STXBP5L: variants seen among roughly 807,000 people sequenced by gnomAD.
STXBP5L encodes the protein syntaxin-binding protein 5-like.
In STXBP5L, 65 loss-of-function variants were observed where a neutral mutation model predicts 144.5. The ratio of observed to expected loss-of-function variants is 0.45; its 90% CI spans 0.37 to 0.55. The LOEUF is 0.55. Ranked by LOEUF, STXBP5L falls within the 20% of genes least tolerant of loss-of-function variation. The pLI is 0.00. For synonymous variants in STXBP5L, 505 were observed against 469.6 expected (o/e 1.08, Z -0.97); for missense variants, 1,298 against 1,405.5 (o/e 0.92, Z 1.22).
intron 5 of STXBP5L, 121 bp from the exon 6 acceptor site, chr3:121,114,804 C>A: frequency 3.7e-6 from 2 of 545,702 alleles, no homozygotes; most frequent in East Asian, 3.5e-5. Flanking sequence ...ACATGCTATA[C>A]TTGAGTATAT....
chr3:121,026,321 C>A (rs1310762134), intron 3 of STXBP5L, among the ~76,000 whole-genome samples: 14 of 151,872 alleles, frequency 9.2e-5, no homozygotes, highest in Non-Finnish European at 5.9e-5. Context: ...TATATTCATG[C>A]CTGAGCTTTA....
At position 121,051,555 on chromosome 3, in the gene STXBP5L, C is replaced by T. The variant is rs192805629; in HGVS notation, c.470+6020C>T. 7.3e-3 allele frequency among the ~76,000 whole-genome samples: 1,119 copies of T among 152,268 alleles called. 12 individuals carry two copies. The highest frequency in any genetic ancestry group is 0.026 in the African/African-American group (1,069 of 41,546). On this transcript the variant is annotated intron_variant, in intron 5 of 26. Transcript: ENST00000471454. ...GAAACCAACGAAAACAAAGACACAA[C>T]ATACCAGAATCTCTGGGACACATTC...
At chr3:121,087,953 C>T (rs1018016022) in intron 5 of STXBP5L, among the ~76,000 whole-genome samples, 1 of 152,128 alleles carries the variant, frequency 6.6e-6, no homozygotes, top group East Asian at 1.9e-4. Flanking sequence ...TCTTTACTTC[C>T]CTTTACTTCT....
chr3:121,277,426 G>A (rs1252911408), intron 18 of STXBP5L, among the ~76,000 whole-genome samples: 2 of 151,916 alleles, frequency 1.3e-5, no homozygotes, highest in South Asian at 2.1e-4. Context: ...CTACTATAAT[G>A]TCTAATGTGC....
At chr3:120,930,926 C>T (rs1709899928) in intron 2 of STXBP5L, among the ~76,000 whole-genome samples, 1 of 152,088 alleles carries the variant, frequency 6.6e-6, no homozygotes, top group Non-Finnish European at 1.5e-5. Context: ...CTATGTTTTT[C>T]TATCTTTCTG....
At chr3:121,194,244 ATTTG>A (rs1482654833) in intron 9 of STXBP5L, among the ~76,000 whole-genome samples, 1 of 152,104 alleles carries the variant, frequency 6.6e-6, no homozygotes, top group Non-Finnish European at 1.5e-5. Flanking sequence ...GTGTGTATGA[ATTTG>A]TTTGTTATAG....
At chr3:121,116,896 T>C (rs1210418736) in intron 6 of STXBP5L, among the ~76,000 whole-genome samples, 2 of 151,996 alleles carry the variant, frequency 1.3e-5, no homozygotes, top group Non-Finnish European at 2.9e-5. Context: ...TATAAAACTT[T>C]TAAATAAATT....
intron 5 of STXBP5L, among the ~76,000 whole-genome samples, chr3:121,075,386 T>C (rs183809711): frequency 7.1e-4 from 108 of 152,280 alleles, no homozygotes; most frequent in African/African-American, 2.5e-3. Flanking sequence ...CGGTTTCTCT[T>C]CCAACTAAGG....
At chr3:121,013,994 T>C (rs951962166) in intron 3 of STXBP5L, among the ~76,000 whole-genome samples, 21 of 152,234 alleles carry the variant, frequency 1.4e-4, no homozygotes, top group African/African-American at 4.8e-4. Context: ...TCCATTGGTC[T>C]GTATGTCTGT....
chr3:121,312,307 C>A (rs1167503931), intron 19 of STXBP5L, among the ~76,000 whole-genome samples: 1 of 147,652 alleles, frequency 6.8e-6, no homozygotes, highest in Non-Finnish European at 1.5e-5. Flanking sequence ...TCTAAAACAC[C>A]AAAAGCAATG....
chr3:121,089,555 A>G (rs2042676034), intron 5 of STXBP5L, among the ~76,000 whole-genome samples: 1 of 150,090 alleles, frequency 6.7e-6, no homozygotes, highest in Non-Finnish European at 1.5e-5. Flanking sequence ...CCTTGTTTTT[A>G]TCTCAGATAA....
chr3:121,117,953 T>C (rs2044302641), intron 6 of STXBP5L, among the ~76,000 whole-genome samples: 1 of 151,764 alleles, frequency 6.6e-6, no homozygotes, highest in Non-Finnish European at 1.5e-5. Context: ...GGTGATAGCA[T>C]AGAAACAGCT....
In STXBP5L at chr3:121,298,174, T is replaced by G. The variant is rs7652247; in HGVS notation, c.2110+18218T>G. Reference sequence around the variant, plus strand: ...TCTGTTTTTGTTTGTTTGTTTTGTTTTTTATAATGGCCATCCTAACAGGTA... The same window carrying G: ...TCTGTTTTTGTTTGTTTGTTTTGTTGTTTATAATGGCCATCCTAACAGGTA... On this transcript the variant is annotated intron_variant, in intron 19 of 26. Coordinates refer to ENST00000471454, the MANE Select transcript of STXBP5L (RefSeq NM_001308330.2). Among the ~76,000 whole-genome samples the G allele has an allele frequency of 8.5e-3, 1,294 of 152,346 alleles. 16 individuals are homozygous for G. The highest frequency in any genetic ancestry group is 0.029 in the African/African-American group (1,218 of 41,568).
At chr3:121,045,567 T>G (rs1246962653) in intron 5 of STXBP5L, 32 bp downstream of exon 5, 1 of 1,577,142 alleles carries the variant, frequency 6.3e-7, no homozygotes, top group East Asian at 2.2e-5. Flanking sequence ...AATTTCTTAA[T>G]GTACAACAAA....
At chr3:121,092,296 A>G (rs2042852267) in intron 5 of STXBP5L, among the ~76,000 whole-genome samples, 1 of 151,922 alleles carries the variant, frequency 6.6e-6, no homozygotes. Flanking sequence ...AGTGTTTTCC[A>G]ATTCTGTGAT....
chr3:121,018,455 G>A (rs189576903), intron 3 of STXBP5L, among the ~76,000 whole-genome samples: 2 of 150,478 alleles, frequency 1.3e-5, no homozygotes, highest in Non-Finnish European at 3.0e-5. Flanking sequence ...AAGAAACAAT[G>A]GCAATTCAGT....
rs546552171 is a variant in STXBP5L, at chr3:121,202,517, A to C, written c.878-3406A>C. Among the ~76,000 whole-genome samples, 5 of 152,264 alleles carry C rather than the reference A, an allele frequency of 3.3e-5. No individual in the cohort carries two copies. The South Asian group carries it at 1.0e-3, about 32-fold the overall frequency. The stretch of plus-strand genomic sequence containing the variant: ...GGTACTCTGTTCTTTGTGTAGACTT[A>C]AATTACTTGCTGGGTCACTTTCTTT... On this transcript the variant is annotated intron_variant, in intron 9 of 26. Transcript: ENST00000471454.
intron 7 of STXBP5L, among the ~76,000 whole-genome samples, chr3:121,147,723 A>G (rs933785930): frequency 1.3e-5 from 2 of 152,192 alleles, no homozygotes; most frequent in Admixed American, 1.3e-4. Flanking sequence ...GAATATTTAA[A>G]TCTGTAGACT....
chr3:120,951,640 A>G (rs1343789880), intron 2 of STXBP5L, among the ~76,000 whole-genome samples: 2 of 152,156 alleles, frequency 1.3e-5, no homozygotes, highest in Non-Finnish European at 2.9e-5. Context: ...GCAATCATTA[A>G]AAAGTCAGGA....
Sources: allele counts gnomAD v4.1 joint callset (sites outside exome capture counted in the v4.1 genomes callset), GRCh38; gene constraint gnomAD v4.1.1; transcripts MANE v1.5; gene names NCBI Gene and HGNC (gene_info 2026-07-23, HGNC 2026-07-21).